SRP14: variants seen among roughly 807,000 people sequenced by gnomAD.
SRP14 encodes the protein signal recognition particle 14.
SRP14 carries 1 observed loss-of-function variant against 16.0 expected under a neutral mutation model. The observed-to-expected ratio is 0.06, with a 90% CI of 0.02 to 0.30. The LOEUF (loss-of-function observed/expected upper bound fraction) is 0.30. Ranked by LOEUF, SRP14 falls within the 10% of genes least tolerant of loss-of-function variation. SRP14 has a pLI of 1.00. For missense variants in SRP14, 120 were observed against 163.1 expected (o/e 0.74, Z 1.44); for synonymous variants, 67 against 60.1 (o/e 1.12, Z -0.53).
chr15:40,038,863 T>G lies in SRP14; in HGVS notation c.97+13A>C. 1.2e-6 allele frequency: 2 copies of G among 1,613,156 alleles called. No homozygotes were observed. Among genetic ancestry groups the G allele is most frequent in the Non-Finnish European group, 1.7e-6 (2 of 1,179,648 alleles). ...CCCAGGGAGCATCGCCCGGCTCCCC[T>G]CCCGCTGCTTACACTTCTTCAAGGT... On this transcript the variant is annotated intron_variant, in intron 2 of 4. Coordinates refer to ENST00000267884, the MANE Select transcript of SRP14 (RefSeq NM_003134.6).
intron 3 of SRP14, chr15:40,037,354 TTC>T (rs1449770270): frequency 7.7e-7 from 1 of 1,303,054 alleles, no homozygotes; most frequent in East Asian, 4.8e-5. Flanking sequence ...TCTCCCTGGG[TTC>T]TGAGAAAAGT....
At position 40,039,148 on chromosome 15, in the gene SRP14, A is replaced by T. The variant is rs774105805; in HGVS notation, c.-32T>A. ...GACGCTGGCTCGACTCCCTCCGCTT[A>T]AGCCCCTAGCAGTGAGAGCCGGAAG... On this transcript the variant is annotated 5_prime_UTR_variant, in exon 1 of 5. Transcript: ENST00000267884. The T allele has an allele frequency of 1.2e-6, 2 of 1,604,228 alleles. No homozygotes were observed. Among genetic ancestry groups the T allele is most frequent in the Admixed American group, 3.4e-5 (2 of 59,204 alleles).
At chr15:40,037,296 C>CAAAAAAAAAAAAAAAAAA (rs774835123) in intron 3 of SRP14, 3 of 549,052 alleles carry the variant, frequency 5.5e-6, no homozygotes, top group Admixed American at 1.5e-4. Context: ...AAAAAAAAAG[C>CAAAAAAAAAAAAAAAAAA]TTTGTTTCTC....
At chr15:40,037,948 T>C (rs1171698806) in intron 3 of SRP14, among the ~76,000 whole-genome samples, 1 of 152,206 alleles carries the variant, frequency 6.6e-6, no homozygotes, top group African/African-American at 2.4e-5. Flanking sequence ...TAGCATCACC[T>C]GGTACCAAGA....
At chr15:40,036,810 T>G in intron 4 of SRP14, 176 bp downstream of exon 4, 1 of 730,440 alleles carries the variant, frequency 1.4e-6, no homozygotes. Flanking sequence ...TTAAAAAAAC[T>G]AGAAAGGAAG....
chr15:40,037,134 T>A, intron 3 of SRP14, 116 bp from the exon 4 acceptor site: 1 of 1,304,336 alleles, frequency 7.7e-7, no homozygotes, highest in Non-Finnish European at 1.0e-6. Flanking sequence ...TTAAAATACT[T>A]CTCCCCAACT....
chr15:40,036,389 C>G lies in SRP14; in HGVS notation c.355G>C (p.Ala119Pro). The G allele has an allele frequency of 6.2e-7, 1 of 1,612,890 alleles. No individual in the cohort carries two copies. Among genetic ancestry groups the G allele is most frequent in the South Asian group, 1.1e-5 (1 of 90,978 alleles). Residue 119 changes from alanine (A) to proline (P), a missense_variant, in exon 5 of 5, where the codon GCA (alanine) becomes CCA (proline). By Grantham distance (27) the Ala-to-Pro change is conservative. Transcript: ENST00000267884. ...AAAAAAAAPAAAATAPTTAAT... is the reference protein window; with the variant it reads ...AAAAAAAAPAPAATAPTTAAT... ...GCTGTTGTTGGTGCTGTTGCTGCTG[C>G]GGCAGGTGCTGCTGCTGCTGCTGCT...
Position 40,038,891 on chromosome 15 carries a change from T to C in SRP14, c.82A>G (p.Ile28Val), listed in dbSNP as rs554170939. The C allele has an allele frequency of 1.2e-6, 2 of 1,613,822 alleles. No homozygotes were observed. The highest frequency in any genetic ancestry group is 2.2e-5 in the East Asian group (1 of 44,846). ...QKCRTSGSVY[I>V]TLKKYDGRTK... ...CGCTGCTTACACTTCTTCAAGGTGA[T>C]ATAGACGCTGCCCGACGTCCGGCAC... Residue 28 changes from isoleucine to valine, a missense_variant, in exon 2 of 5, where the codon ATC (isoleucine) becomes GTC (valine). Coordinates refer to ENST00000267884, the MANE Select transcript of SRP14 (RefSeq NM_003134.6).
chr15:40,038,796 G>T, intron 2 of SRP14, 80 bp downstream of exon 2: 1 of 1,492,988 alleles, frequency 6.7e-7, no homozygotes, highest in Non-Finnish European at 9.2e-7. Context: ...GAAGGCGGCG[G>T]TCCGCGGCAG....
At chr15:40,037,247 C>T in intron 3 of SRP14, 4 of 1,198,358 alleles carry the variant, frequency 3.3e-6, no homozygotes, top group Non-Finnish European at 4.2e-6. Flanking sequence ...AGAATTGCAC[C>T]AAGAGGTGAA....
At chr15:40,037,543 C>T (rs1027219974) in intron 3 of SRP14, among the ~76,000 whole-genome samples, 1 of 151,748 alleles carries the variant, frequency 6.6e-6, no homozygotes, top group African/African-American at 2.4e-5. Context: ...TTTGTTATTT[C>T]ATGATATCTA....
rs371085676 is a variant in SRP14, at chr15:40,036,395, GTGC to G, written c.346_348del (p.Ala116del). ...GTTGGTGCTGTTGCTGCTGCGGCAG[GTGC>G]TGCTGCTGCTGCTGCTGCTGCTGCT... On this transcript the variant is annotated inframe_deletion, in exon 5 of 5. Coordinates refer to ENST00000267884, the MANE Select transcript of SRP14 (RefSeq NM_003134.6). 1,109 of 1,381,392 alleles carry G rather than the reference GTGC, an allele frequency of 8.0e-4. 2 individuals carry two copies. Among genetic ancestry groups the G allele is most frequent in the Admixed American group, 2.2e-3 (116 of 53,290 alleles). The allele number at this position is 1,381,392 out of a possible 1,614,324, so 85.6% of individuals were successfully genotyped here.
In SRP14 at chr15:40,035,976, T is replaced by C. The variant is rs919004752; in HGVS notation, c.*357A>G. ...AAAGCCTATTCATTAATCACATCAT[T>C]CTAGATTTAGTAGTTATTGCCAGAA... On this transcript the variant is annotated 3_prime_UTR_variant, in exon 5 of 5. Transcript: ENST00000267884. 4.2e-6 allele frequency: 1 copy of C among 236,674 alleles called. No homozygotes were observed. The highest frequency in any genetic ancestry group is 5.1e-5 in the Admixed American group (1 of 19,652). 14.7% of individuals were successfully genotyped at this position (236,674 alleles called of 1,614,324 possible). A position where few individuals can be genotyped will look rare whatever the true frequency, so the allele number is the denominator to read the frequency against.
At position 40,036,375 on chromosome 15, in the gene SRP14, T is replaced by TGCG; in HGVS notation, c.368_369insCGC (p.Ala123dup). 6.2e-7 allele frequency: 1 copy of TGCG among 1,611,460 alleles called. No homozygotes were observed. Among genetic ancestry groups the TGCG allele is most frequent in the Non-Finnish European group, 8.5e-7 (1 of 1,179,126 alleles). ...CTGCTGTTGTTGCTGCTGTTGTTGG[T>TGCG]GCTGTTGCTGCTGCGGCAGGTGCTG... On this transcript the variant is annotated inframe_insertion, in exon 5 of 5. Transcript: ENST00000267884.
intron 2 of SRP14, 31 bp from the exon 3 acceptor site, chr15:40,038,425 G>A (rs142105845): frequency 1.9e-5 from 29 of 1,494,308 alleles, no homozygotes; most frequent in Non-Finnish European, 2.7e-5. Context: ...TGGTGAACAC[G>A]GCCGCGTACG....
chr15:40,037,278 G>GTAAAAAAAA, intron 3 of SRP14: 4 of 193,376 alleles, frequency 2.1e-5, no homozygotes, highest in Non-Finnish European at 2.7e-5. Context: ...CTCCTTTTGG[G>GTAAAAAAAA]GAAAAAAAAA....
intron 4 of SRP14, 53 bp from the exon 5 acceptor site, chr15:40,036,553 A>C (rs2035626761): frequency 6.4e-7 from 1 of 1,566,312 alleles, no homozygotes; most frequent in South Asian, 1.1e-5. Context: ...AACTGGCAGA[A>C]CACCAGCCCT....
Position 40,036,433 on chromosome 15 carries a change from T to C in SRP14, c.311A>G (p.Lys104Arg), listed in dbSNP as rs1197874619. Residue 104 changes from lysine (K) to arginine (R), a missense_variant, in exon 5 of 5, where the codon AAG becomes AGG. By Grantham distance (26) the Lys-to-Arg change is conservative (BLOSUM62 2). Around this residue, in one of 3 missense-constraint regions of SRP14, gnomAD observed 44 missense variants for 93.1 expected, o/e 0.47. Transcript: ENST00000267884. ...TGCTGCTGCTGCTGCTTTGGTCTTCTTAGTTTTGTTCTTTTTGTCTCTCTT... is the reference window on the plus strand; with the variant it reads ...TGCTGCTGCTGCTGCTTTGGTCTTCCTAGTTTTGTTCTTTTTGTCTCTCTT... ...LKKRDKKNKTKKTKAAAAAAA... is the reference protein window; with the variant it reads ...LKKRDKKNKTRKTKAAAAAAA... 4 of 1,614,184 alleles carry C rather than the reference T, an allele frequency of 2.5e-6. No individual in the cohort carries two copies. In the Admixed American group the frequency reaches 6.7e-5, roughly 27 times the overall value.
chr15:40,038,138 T>G, intron 3 of SRP14, 144 bp downstream of exon 3: 1 of 661,000 alleles, frequency 1.5e-6, no homozygotes, highest in Non-Finnish European at 2.7e-6. Flanking sequence ...TTTCCACTAC[T>G]AAAGTATAGG....
Sources: allele counts gnomAD v4.1 joint callset (sites outside exome capture counted in the v4.1 genomes callset), GRCh38; gene constraint gnomAD v4.1.1; regional missense constraint gnomAD v4.1.1; transcripts MANE v1.5; gene names NCBI Gene and HGNC (gene_info 2026-07-23, HGNC 2026-07-21).